The following TFEC variants were observed in gnomAD, a reference collection of about 807,000 sequenced individuals.
TFEC encodes transcription factor EC, also known as class E basic helix-loop-helix protein 34.
Under a neutral mutation model 41.6 loss-of-function variants are expected in TFEC, and 31 were observed. The observed-to-expected ratio is 0.74, with a 90% CI of 0.56 to 1.01. The LOEUF (loss-of-function observed/expected upper bound fraction) is 1.01. Among genes scored for constraint, TFEC ranks in the 50% least tolerant of loss-of-function variants. The pLI, the probability that TFEC is intolerant of heterozygous loss-of-function variation, is 0.00. For synonymous variants in TFEC, 143 were observed against 140.6 expected, an observed-to-expected ratio of 1.02 and a Z score of -0.12; for missense variants, 402 against 404.1, an observed-to-expected ratio of 0.99 and a Z score of 0.04.
At chr7:115,949,254 C>G (rs1027282007) in intron 6 of TFEC, among the ~76,000 whole-genome samples, 1 of 151,938 alleles carries the variant, frequency 6.6e-6, no homozygotes, top group East Asian at 1.9e-4. Context: ...GAATCAATAT[C>G]GTGAAAATGG....
At chr7:115,993,010 T>G (rs1794194368) in intron 1 of TFEC, among the ~76,000 whole-genome samples, 1 of 152,142 alleles carries the variant, frequency 6.6e-6, no homozygotes, top group Non-Finnish European at 1.5e-5. Flanking sequence ...TCCACCACGA[T>G]CAAGTGGGCT....
chr7:116,004,413 A>G (rs576294198), intron 1 of TFEC, among the ~76,000 whole-genome samples: 97 of 152,328 alleles, frequency 6.4e-4, no homozygotes, highest in Non-Finnish European at 1.2e-3. Context: ...CATAGAATGT[A>G]CAATGCCAAG....
At chr7:116,021,813 G>T (rs552649037) in intron 1 of TFEC, among the ~76,000 whole-genome samples, 1 of 152,278 alleles carries the variant, frequency 6.6e-6, no homozygotes, top group South Asian at 2.1e-4. Flanking sequence ...AGTCAAACCA[G>T]GTTTCCAATG....
At chr7:116,059,491 C>T (rs186095129) in intron 3 of TFEC, among the ~76,000 whole-genome samples, 1 of 152,004 alleles carries the variant, frequency 6.6e-6, no homozygotes, top group Admixed American at 6.6e-5. Context: ...CCCACTCACT[C>T]TATAAAGTCA....
intron 1 of TFEC, among the ~76,000 whole-genome samples, chr7:115,988,517 G>GA (rs1457461146): frequency 1.3e-5 from 2 of 151,578 alleles, no homozygotes; most frequent in Non-Finnish European, 2.9e-5. Context: ...CTACAGAACT[G>GA]AAAAGCAAAA....
intron 1 of TFEC, among the ~76,000 whole-genome samples, chr7:116,027,909 C>A (rs1795646015): frequency 6.6e-6 from 1 of 152,064 alleles, no homozygotes; most frequent in Admixed American, 6.6e-5. Flanking sequence ...AAATTCTCAC[C>A]TATTCTTTCA....
intron 3 of TFEC, among the ~76,000 whole-genome samples, chr7:116,085,556 T>G (rs563851984): frequency 1.3e-5 from 2 of 151,896 alleles, no homozygotes; most frequent in Admixed American, 1.3e-4. Flanking sequence ...AGCAACTGTG[T>G]CAAAAGAACA....
chr7:115,942,131 T>C, intron 6 of TFEC, 91 bp from the exon 7 acceptor site: 1 of 1,311,310 alleles, frequency 7.6e-7, no homozygotes, highest in Non-Finnish European at 1.0e-6. Flanking sequence ...TATGAAATAA[T>C]GATTTACATG....
Position 115,937,656 on chromosome 7 carries a change from G to A in TFEC, c.*2895C>T, listed in dbSNP as rs1027550778. On this transcript the variant is annotated 3_prime_UTR_variant, in exon 8 of 8. Transcript: ENST00000265440. ...CAACTTTTTTAGTGAATAATCTAAA[G>A]TTTGGTACACTATTACTTTCCTATG... 6.6e-6 allele frequency: 1 copy of A among 151,714 alleles called. No individual in the cohort carries two copies. Among genetic ancestry groups the A allele is most frequent in the African/African-American group, 2.4e-5 (1 of 41,390 alleles). The allele number at this position is 151,714 out of a possible 1,614,324, so 9.4% of individuals were successfully genotyped here. A position where few individuals can be genotyped will look rare whatever the true frequency, so the allele number is the denominator to read the frequency against.
chr7:116,081,391 A>G (rs1797086920), intron 3 of TFEC, among the ~76,000 whole-genome samples: 2 of 152,064 alleles, frequency 1.3e-5, no homozygotes, highest in Admixed American at 1.3e-4. Context: ...CATAAATCTC[A>G]GGGATTTTCC....
intron 1 of TFEC, among the ~76,000 whole-genome samples, chr7:116,157,637 G>C (rs953087486): frequency 1.3e-5 from 2 of 152,058 alleles, no homozygotes. Context: ...AAGTGACTAG[G>C]AGACGAACAG....
chr7:115,968,721 C>T (rs1323829456), intron 3 of TFEC, among the ~76,000 whole-genome samples: 1 of 151,750 alleles, frequency 6.6e-6, no homozygotes, highest in Admixed American at 6.6e-5. Context: ...TTCTATAGTT[C>T]TATGCAATGG....
chr7:115,978,047 T>A (rs1318380595), intron 2 of TFEC, among the ~76,000 whole-genome samples: 1 of 152,086 alleles, frequency 6.6e-6, no homozygotes, highest in East Asian at 1.9e-4. Flanking sequence ...AACTGTTAAA[T>A]CCTAATAGTA....
intron 3 of TFEC, among the ~76,000 whole-genome samples, chr7:116,093,448 T>C (rs1797374799): frequency 6.6e-6 from 1 of 152,106 alleles, no homozygotes; most frequent in East Asian, 1.9e-4. Context: ...AAACTGAAAA[T>C]GCAAAATTTG....
intron 3 of TFEC, among the ~76,000 whole-genome samples, chr7:115,963,724 A>G (rs1792691677): frequency 6.6e-6 from 1 of 151,722 alleles, no homozygotes; most frequent in South Asian, 2.1e-4. Context: ...ATTCATAGAG[A>G]CAGAAAGTAG....
At chr7:116,101,595 T>C (rs1269161564) in intron 3 of TFEC, among the ~76,000 whole-genome samples, 2 of 151,794 alleles carry the variant, frequency 1.3e-5, no homozygotes. Flanking sequence ...TTTAAATAAT[T>C]AGTTGGAGAA....
intron 6 of TFEC, among the ~76,000 whole-genome samples, chr7:115,944,013 A>ATTATTTTTTTTTTTTTTTT (rs1793649235): frequency 4.4e-5 from 1 of 22,830 alleles, no homozygotes; most frequent in Non-Finnish European, 1.0e-4. Flanking sequence ...ACAGGTCTGA[A>ATTATTTTTTTTTTTTTTTT]TTTTTTTTTT....
chr7:116,084,669 AAAAT>A (rs1393817335), intron 3 of TFEC, among the ~76,000 whole-genome samples: 1 of 151,918 alleles, frequency 6.6e-6, no homozygotes, highest in African/African-American at 2.4e-5. Flanking sequence ...TAAAATTTGA[AAAAT>A]AAATAATCAT....
chr7:115,992,416 G>A (rs1794161907), intron 1 of TFEC, among the ~76,000 whole-genome samples: 1 of 152,144 alleles, frequency 6.6e-6, no homozygotes, highest in Non-Finnish European at 1.5e-5. Context: ...ATGAATCCAG[G>A]AGCTGGTGTT....
Sources: gnomAD v4.1 joint callset for allele counts (sites outside exome capture counted in the v4.1 genomes callset) on GRCh38, gnomAD v4.1.1 for gene constraint, MANE v1.5 for transcripts, NCBI Gene and HGNC (gene_info 2026-07-23, HGNC 2026-07-21) for gene names.